The following CASZ1 variants were observed in gnomAD, a reference collection of about 807,000 sequenced individuals.
CASZ1 encodes zinc finger protein castor homolog 1.
In CASZ1, 28 loss-of-function variants were observed where a neutral mutation model predicts 135.2. The observed-to-expected ratio is 0.21, with a 90% CI of 0.15 to 0.28. CASZ1 has a LOEUF of 0.28. Ranked by LOEUF, CASZ1 falls within the 10% of genes least tolerant of loss-of-function variation. The pLI, the probability that CASZ1 is intolerant of heterozygous loss-of-function variation, is 1.00. For missense variants in CASZ1, 2,161 were observed against 2,453.3 expected, an observed-to-expected ratio of 0.88 and a Z score of 2.52; for synonymous variants, 1,068 against 1,073.4, an observed-to-expected ratio of 0.99 and a Z score of 0.10.
At chr1:10,640,182 G>C (rs1642154479) in intron 20 of CASZ1, 123 bp from the exon 21 acceptor site, 7 of 1,404,920 alleles carry the variant, frequency 5.0e-6, no homozygotes, top group African/African-American at 1.4e-5. Context: ...GGGAGCCCTC[G>C]GCTTCCCCTG....
chr1:10,672,903 T>C (rs1259818670), intron 4 of CASZ1, among the ~76,000 whole-genome samples: 1 of 152,262 alleles, frequency 6.6e-6, no homozygotes, highest in East Asian at 1.9e-4. Context: ...TATTTAATTT[T>C]GCGATTTGGG....
Position 10,726,981 on chromosome 1 carries a change from C to T in CASZ1, c.-76-21437G>A, listed in dbSNP as rs768998565. The stretch of plus-strand genomic sequence containing the variant: ...AGTTTCTCTATCACGAAAGCCAGGA[C>T]GGAGGGGAGGGAGACCGGGAGAGGT... On this transcript the variant is annotated intron_variant, in intron 2 of 20. Coordinates refer to ENST00000377022, the MANE Select transcript of CASZ1 (RefSeq NM_001079843.3). The surrounding 1 kb of genome is among the most constrained non-coding windows in gnomAD (Gnocchi z 5.7). 5.9e-5 allele frequency among the ~76,000 whole-genome samples: 9 copies of T among 152,118 alleles called. No individual in the cohort carries two copies. The highest frequency in any genetic ancestry group is 2.1e-4 in the South Asian group (1 of 4,828).
chr1:10,730,836 G>C (rs1055364366), intron 2 of CASZ1, among the ~76,000 whole-genome samples: 6 of 152,186 alleles, frequency 3.9e-5, no homozygotes, highest in African/African-American at 1.2e-4. Flanking sequence ...GGCTGGGTAT[G>C]GTGGCTCATG....
chr1:10,688,952 C>T (rs915910663), intron 4 of CASZ1, among the ~76,000 whole-genome samples: 28 of 152,272 alleles, frequency 1.8e-4, no homozygotes, highest in Middle Eastern at 3.4e-3. Context: ...GTAATTACTA[C>T]AGTGCAACTT....
rs1639573422 is a variant in CASZ1, at chr1:10,725,115, C to A, written c.-76-19571G>T. Among the ~76,000 whole-genome samples, 1 of 152,172 alleles carries A rather than the reference C, an allele frequency of 6.6e-6. No individual in the cohort carries two copies. Among genetic ancestry groups the A allele is most frequent in the South Asian group, 2.1e-4 (1 of 4,830 alleles). ...CTGGAGGGAGGGGGCTTGGGCTCCC[C>A]TCGGTGGGGGTAGGATTCCCTAGTT... is the stretch of plus-strand genomic sequence containing the variant. On this transcript the variant is annotated intron_variant, in intron 2 of 20. Transcript: ENST00000377022. The surrounding 1 kb of genome is among the most constrained non-coding windows in gnomAD (Gnocchi z 4.4).
chr1:10,639,496 G>A lies in CASZ1; in HGVS notation c.4726C>T (p.Pro1576Ser), dbSNP rs779940295. Residue 1576 changes from proline (P) to serine (S), a missense_variant, in exon 21 of 21, where the codon CCG (proline) becomes TCG (serine). By Grantham distance (74) the Pro-to-Ser change is moderately conservative (BLOSUM62 -1). This residue lies in a region of CASZ1 where 240 missense variants were observed against 321.4 expected (regional missense o/e 0.75). Coordinates refer to ENST00000377022, the MANE Select transcript of CASZ1 (RefSeq NM_001079843.3). This position sits in a 1 kb window ranked among gnomAD's most constrained non-coding sequence, Gnocchi z 4.0. Reference protein sequence around the residue: ...LKCSHFHCTFPGCRHTVVGMS... With the variant: ...LKCSHFHCTFSGCRHTVVGMS... ...CCCACCACCGTGTGGCGGCAGCCCGGGAAGGTGCAGTGGAAGTGCGAGCAC... is the reference window on the plus strand; with the variant it reads ...CCCACCACCGTGTGGCGGCAGCCCGAGAAGGTGCAGTGGAAGTGCGAGCAC... 7 of 1,611,312 alleles carry A rather than the reference G, an allele frequency of 4.3e-6. No individual in the cohort carries two copies. The highest frequency in any genetic ancestry group is 1.6e-4 in the Middle Eastern group (1 of 6,074).
In CASZ1 at chr1:10,647,317, G is replaced by A. The variant is rs1234588022; in HGVS notation, c.3497+484C>T. ...GGAGCCACCACCATCCAGTGAGGAG[G>A]GTCCCTTCCACCCAAGAGCTCAGAC... is the stretch of plus-strand genomic sequence containing the variant. On this transcript the variant is annotated intron_variant, in intron 16 of 20. Coordinates refer to ENST00000377022, the MANE Select transcript of CASZ1 (RefSeq NM_001079843.3). The surrounding 1 kb of genome is among the most constrained non-coding windows in gnomAD (Gnocchi z 4.9). 2.0e-6 allele frequency: 2 copies of A among 1,004,978 alleles called. No homozygotes were observed. The highest frequency in any genetic ancestry group is 3.5e-5 in the African/African-American group (2 of 57,472). 62.3% of individuals were successfully genotyped at this position (1,004,978 alleles called of 1,614,324 possible). A position where few individuals can be genotyped will look rare whatever the true frequency, so the allele number is the denominator to read the frequency against.
Position 10,655,751 on chromosome 1 carries a change from G to A in CASZ1, c.1563C>T (p.Ser521=), listed in dbSNP as rs1444947620. The A allele has an allele frequency of 6.2e-7, 1 of 1,614,104 alleles. No homozygotes were observed. The highest frequency in any genetic ancestry group is 8.5e-7 in the Non-Finnish European group (1 of 1,180,022). Residue 521 remains serine (S), a synonymous_variant, in exon 9 of 21, where the codon TCC becomes TCT. Transcript: ENST00000377022. ...TGAAACGCATGAAGCCGTGCTGCAG[G>A]GAGTTGTCGCGCTTCTTGTGCATGT... ...HYNMHKKRDN[S]LQHGFMRFSP...
intron 5 of CASZ1, chr1:10,660,840 C>T (rs184208255): frequency 6.8e-5 from 28 of 413,414 alleles, no homozygotes; most frequent in African/African-American, 5.3e-4. Flanking sequence ...TAAATGTCTC[C>T]GCTCTCTCGC....
In CASZ1 at chr1:10,726,081, G is replaced by T. The variant is rs1265959165; in HGVS notation, c.-76-20537C>A. On this transcript the variant is annotated intron_variant, in intron 2 of 20. Coordinates refer to ENST00000377022, the MANE Select transcript of CASZ1 (RefSeq NM_001079843.3). This position sits in a 1 kb window ranked among gnomAD's most constrained non-coding sequence, Gnocchi z 5.7. The stretch of plus-strand genomic sequence containing the variant: ...ATTGATGCCTCCAACCACCTATGGG[G>T]CAGGGCCTATACTATCACCACCACC... Among the ~76,000 whole-genome samples, 1 of 152,130 alleles carries T rather than the reference G, an allele frequency of 6.6e-6. No individual in the cohort carries two copies. Among genetic ancestry groups the T allele is most frequent in the Non-Finnish European group, 1.5e-5 (1 of 68,018 alleles).
chr1:10,740,308 C>A (rs1639890225), intron 2 of CASZ1, among the ~76,000 whole-genome samples: 1 of 152,222 alleles, frequency 6.6e-6, no homozygotes, highest in Non-Finnish European at 1.5e-5. Flanking sequence ...CTGCCCCGTT[C>A]CAGTGAGGAA....
In CASZ1 at chr1:10,759,985, C is replaced by T. The variant is rs1640339497; in HGVS notation, c.-77+716G>A. On this transcript the variant is annotated intron_variant, in intron 2 of 20. Transcript: ENST00000377022. This position sits in a 1 kb window ranked among gnomAD's most constrained non-coding sequence, Gnocchi z 4.2. Reference sequence around the variant, plus strand: ...AATGAGTCACCCAATGTGTGTCAACCCCTCACCCCAAGAACTGCCACGTTT... The same window carrying T: ...AATGAGTCACCCAATGTGTGTCAACTCCTCACCCCAAGAACTGCCACGTTT... Among the ~76,000 whole-genome samples the T allele has an allele frequency of 6.6e-6, 1 of 152,176 alleles. No homozygotes were observed. Among genetic ancestry groups the T allele is most frequent in the African/African-American group, 2.4e-5 (1 of 41,438 alleles).
At chr1:10,684,147 C>T (rs562729223) in intron 4 of CASZ1, among the ~76,000 whole-genome samples, 2 of 135,670 alleles carry the variant, frequency 1.5e-5, no homozygotes, top group Admixed American at 7.6e-5. Context: ...GTGGCTCTCT[C>T]GGAAGGAAGG....
In CASZ1 at chr1:10,706,510, A is replaced by G. The variant is rs1639176127; in HGVS notation, c.-76-966T>C. Among the ~76,000 whole-genome samples the G allele has an allele frequency of 1.3e-5, 2 of 152,226 alleles. No individual in the cohort carries two copies. The highest frequency in any genetic ancestry group is 1.5e-5 in the Non-Finnish European group (1 of 68,032). On this transcript the variant is annotated intron_variant, in intron 2 of 20. Coordinates refer to ENST00000377022, the MANE Select transcript of CASZ1 (RefSeq NM_001079843.3). The surrounding 1 kb of genome is among the most constrained non-coding windows in gnomAD (Gnocchi z 4.3). ...GGAATAACACCAATTTCCTTAGGCT[A>G]TGTAATCCCCAAATCAGATTGGGGG...
chr1:10,656,671 CAGTGGT>C lies in CASZ1; in HGVS notation c.1469_1474del (p.Tyr490_His491del). On this transcript the variant is annotated inframe_deletion, in exon 8 of 21. Transcript: ENST00000377022. ...CTGGTAGTTACACTCAGGGTCAAGG[CAGTGGT>C]AGTGCTCGCGGTACTGGTAGGCACA... The C allele has an allele frequency of 6.2e-7, 1 of 1,602,694 alleles. No individual in the cohort carries two copies. Among genetic ancestry groups the C allele is most frequent in the Non-Finnish European group, 8.5e-7 (1 of 1,175,438 alleles).
rs1340154525 is a variant in CASZ1 at position 10,724,868 on chromosome 1, A to G, written c.-76-19324T>C. Among the ~76,000 whole-genome samples, 1 of 152,202 alleles carries G rather than the reference A, an allele frequency of 6.6e-6. No individual in the cohort carries two copies. The highest frequency in any genetic ancestry group is 2.4e-5 in the African/African-American group (1 of 41,448). On this transcript the variant is annotated intron_variant, in intron 2 of 20. Transcript: ENST00000377022. This position sits in a 1 kb window ranked among gnomAD's most constrained non-coding sequence, Gnocchi z 4.1. Reference sequence around the variant, plus strand: ...CAACCTGGGGAAGAGAAGGTGCTCAACTTCTCTCTTTCTCCTCTTTCTCTG... The same window carrying G: ...CAACCTGGGGAAGAGAAGGTGCTCAGCTTCTCTCTTTCTCCTCTTTCTCTG...
intron 2 of CASZ1, among the ~76,000 whole-genome samples, chr1:10,723,475 T>G (rs1639540997): frequency 6.6e-6 from 1 of 152,096 alleles, no homozygotes; most frequent in Non-Finnish European, 1.5e-5. Flanking sequence ...CTCTGAGCAG[T>G]CTATTCAAGC....
chr1:10,652,099 C>T (rs940711365), intron 11 of CASZ1: 7 of 152,052 alleles, frequency 4.6e-5, no homozygotes. Context: ...ACTTCACATT[C>T]CAGCAGCTCT....
intron 2 of CASZ1, among the ~76,000 whole-genome samples, chr1:10,722,642 A>G (rs1439787388): frequency 6.6e-6 from 1 of 152,262 alleles, no homozygotes; most frequent in Non-Finnish European, 1.5e-5. Context: ...GCTAAGAGGC[A>G]GGTATCCAGT....
Sources: allele counts gnomAD v4.1 joint callset (sites outside exome capture counted in the v4.1 genomes callset), GRCh38; gene constraint gnomAD v4.1.1; regional missense constraint gnomAD v4.1.1; non-coding constraint Gnocchi (gnomAD v3.1); transcripts MANE v1.5; gene names NCBI Gene and HGNC (gene_info 2026-07-23, HGNC 2026-07-21).